Variants in TRIM55 observed in about 807,000 individuals in gnomAD.
TRIM55 encodes tripartite motif-containing protein 55.
In TRIM55, 50 loss-of-function variants were observed where a neutral mutation model predicts 60.9. That is an observed-to-expected ratio of 0.82 (90% CI 0.65 to 1.04). The LOEUF is 1.04. Ranked by LOEUF, TRIM55 falls within the 50% of genes least tolerant of loss-of-function variation. TRIM55 has a pLI of 0.00. For missense variants in TRIM55, 681 were observed against 666.9 expected, an observed-to-expected ratio of 1.02 and a Z score of -0.23; for synonymous variants, 237 against 238.1, an observed-to-expected ratio of 1.00 and a Z score of 0.04.
chr8:66,175,338 A>T lies in TRIM55; in HGVS notation c.*745A>T, dbSNP rs1811860295. 6.6e-6 allele frequency: 1 copy of T among 152,208 alleles called. No individual in the cohort carries two copies. Among genetic ancestry groups the T allele is most frequent in the Non-Finnish European group, 1.5e-5 (1 of 68,032 alleles). The allele number at this position is 152,208 out of a possible 1,614,324, so 9.4% of individuals were successfully genotyped here. The stretch of plus-strand genomic sequence containing the variant: ...ATCTGGTAAATTGTAGAACAATTGC[A>T]TGTGTTTAAATATATATACAAACAT... On this transcript the variant is annotated 3_prime_UTR_variant, in exon 10 of 10. Transcript: ENST00000315962.
intron 9 of TRIM55, 104 bp from the exon 10 acceptor site, chr8:66,174,367 A>T: frequency 1.2e-6 from 1 of 845,536 alleles, no homozygotes; most frequent in Non-Finnish European, 1.6e-6. Flanking sequence ...TTATAATAAT[A>T]ATTGTTATTA....
intron 4 of TRIM55, among the ~76,000 whole-genome samples, chr8:66,139,499 GT>G (rs1378136841): frequency 6.6e-6 from 1 of 152,184 alleles, no homozygotes; most frequent in African/African-American, 2.4e-5. Flanking sequence ...AGGAAGTGCT[GT>G]TTTTATTCAC....
chr8:66,128,297 A>G lies in TRIM55; in HGVS notation c.169-7A>G, dbSNP rs1410349736. 22 of 1,569,968 alleles carry G rather than the reference A, an allele frequency of 1.4e-5. No individual in the cohort carries two copies. The Admixed American group carries it at 4.4e-4, about 32-fold the overall frequency. Reference sequence around the variant, plus strand: ...CCAATTCCTTTTTTCTTACTTGGCAAGAACAGGCCTCTAACCCGTATTTGC... The same window carrying G: ...CCAATTCCTTTTTTCTTACTTGGCAGGAACAGGCCTCTAACCCGTATTTGC... On this transcript the variant is annotated splice_polypyrimidine_tract_variant and splice_region_variant and intron_variant, in intron 1 of 9. Transcript: ENST00000315962.
At chr8:66,115,187 A>T in the TRIM55 span, 1 of 152,350 alleles carries the variant, frequency 6.6e-6, no homozygotes, top group Non-Finnish European at 1.5e-5. Context: ...CAAATAAATG[A>T]TGTTTCTTTA....
In TRIM55 at chr8:66,174,540, G is replaced by A; in HGVS notation, c.1594G>A (p.Glu532Lys). 6.2e-7 allele frequency: 1 copy of A among 1,611,020 alleles called. No individual in the cohort carries two copies. The highest frequency in any genetic ancestry group is 2.2e-5 in the East Asian group (1 of 44,532). ...APASGSGADS[E>K]PARHIFSFSW... is the part of the protein sequence containing the mutation. ...AGCGAGTGGCAGTGGAGCTGATTCT[G>A]AGCCAGCTCGCCATATCTTCTCCTT... Residue 532 changes from glutamate to lysine, a missense_variant, in exon 10 of 10, where the codon GAG becomes AAG. Physicochemically the swap from Glu to Lys is moderately conservative, Grantham distance 56. Coordinates refer to ENST00000315962, the MANE Select transcript of TRIM55 (RefSeq NM_184085.2).
At chr8:66,118,175 A>T in the TRIM55 span, among the ~76,000 whole-genome samples, 1 of 105,800 alleles carries the variant, frequency 9.5e-6, no homozygotes, top group Non-Finnish European at 1.8e-5. Context: ...TCTCAAAAAA[A>T]AAAAAAAAAA....
At chr8:66,128,985 C>T (rs79176735) in intron 2 of TRIM55, among the ~76,000 whole-genome samples, 1 of 152,130 alleles carries the variant, frequency 6.6e-6, no homozygotes. Context: ...TAGGTTGTCA[C>T]TGTATTTACT....
chr8:66,136,219 C>T (rs1051317528), intron 3 of TRIM55, among the ~76,000 whole-genome samples: 1 of 152,216 alleles, frequency 6.6e-6, no homozygotes, highest in South Asian at 2.1e-4. Context: ...ACACTCCTTC[C>T]TTCAGAGCCT....
chr8:66,134,109 GATTTC>G (rs1809337465), intron 2 of TRIM55, among the ~76,000 whole-genome samples: 1 of 152,108 alleles, frequency 6.6e-6, no homozygotes, highest in African/African-American at 2.4e-5. Flanking sequence ...TCCCTAAATT[GATTTC>G]ATGGCTCATA....
chr8:66,117,288 G>A, the TRIM55 span, among the ~76,000 whole-genome samples: 3 of 152,140 alleles, frequency 2.0e-5, no homozygotes, highest in African/African-American at 7.2e-5. Flanking sequence ...ATAAAGCAAA[G>A]GAAATGAAGT....
intron 1 of TRIM55, 39 bp from the exon 2 acceptor site, chr8:66,128,265 G>C: frequency 6.5e-7 from 1 of 1,534,626 alleles, no homozygotes; most frequent in East Asian, 2.3e-5. Context: ...GCTGCTTGTG[G>C]CATTACCCAA....
chr8:66,141,588 T>C (rs1371494825), intron 4 of TRIM55, among the ~76,000 whole-genome samples: 1 of 152,252 alleles, frequency 6.6e-6, no homozygotes, highest in Non-Finnish European at 1.5e-5. Context: ...ATCTACCTCT[T>C]GTGAACTTTA....
chr8:66,149,395 A>C (rs1810278697), intron 4 of TRIM55, among the ~76,000 whole-genome samples: 1 of 152,244 alleles, frequency 6.6e-6, no homozygotes, highest in Non-Finnish European at 1.5e-5. Context: ...TAAAGAACAG[A>C]AGATTGAAAA....
At chr8:66,118,559 C>G in the TRIM55 span, among the ~76,000 whole-genome samples, 2 of 152,142 alleles carry the variant, frequency 1.3e-5, no homozygotes, top group African/African-American at 4.8e-5. Context: ...GTCAAGTCCT[C>G]AGTGCAAAGG....
At chr8:66,138,602 G>C (rs956836131) in intron 4 of TRIM55, among the ~76,000 whole-genome samples, 1 of 152,176 alleles carries the variant, frequency 6.6e-6, no homozygotes, top group Non-Finnish European at 1.5e-5. Flanking sequence ...TGTTGGCCAG[G>C]CTGGTCTCAA....
the TRIM55 span, among the ~76,000 whole-genome samples, chr8:66,121,878 G>T: frequency 6.6e-6 from 1 of 152,114 alleles, no homozygotes; most frequent in African/African-American, 2.4e-5. Flanking sequence ...TCATGTCCCT[G>T]CGCAGGCTCA....
the TRIM55 span, chr8:66,114,417 C>A: frequency 2.4e-6 from 1 of 412,794 alleles, no homozygotes; most frequent in Non-Finnish European, 4.9e-6. Context: ...GTTTATCCTT[C>A]TAGCTTTAAA....
intron 9 of TRIM55, among the ~76,000 whole-genome samples, chr8:66,169,473 CA>C (rs1357279087): frequency 6.6e-6 from 1 of 152,184 alleles, no homozygotes; most frequent in Non-Finnish European, 1.5e-5. Context: ...GCCAAATCTC[CA>C]TTGAGCATTT....
At chr8:66,136,246 T>C (rs796833122) in intron 3 of TRIM55, among the ~76,000 whole-genome samples, 13 of 152,322 alleles carry the variant, frequency 8.5e-5, no homozygotes, top group African/African-American at 2.9e-4. Flanking sequence ...TCATGTGAGA[T>C]GGACAGAAGA....
Sources: gnomAD v4.1 joint callset for allele counts (sites outside exome capture counted in the v4.1 genomes callset) on GRCh38, gnomAD v4.1.1 for gene constraint, MANE v1.5 for transcripts, NCBI Gene and HGNC (gene_info 2026-07-23, HGNC 2026-07-21) for gene names.